Variants in DPP10 observed in about 807,000 individuals in gnomAD.
DPP10 encodes inactive dipeptidyl peptidase 10.
In DPP10, 33 loss-of-function variants were observed where a neutral mutation model predicts 120.9. The ratio of observed to expected loss-of-function variants is 0.27; its 90% CI spans 0.21 to 0.37. The LOEUF (loss-of-function observed/expected upper bound fraction) is 0.37. Among genes scored for constraint, DPP10 ranks in the 10% least tolerant of loss-of-function variants. The pLI, the probability that DPP10 is intolerant of heterozygous loss-of-function variation, is 1.00. For synonymous variants in DPP10, 337 were observed against 326.1 expected, an observed-to-expected ratio of 1.03 and a Z score of -0.36; for missense variants, 816 against 942.8, an observed-to-expected ratio of 0.87 and a Z score of 1.76.
chr2:114,829,416 T>C (rs1686871309), intron 1 of DPP10, among the ~76,000 whole-genome samples: 4 of 149,514 alleles, frequency 2.7e-5, no homozygotes. Context: ...AGAGTGTCGC[T>C]CTTGTCACCC....
chr2:115,334,230 G>GTTTTTTTTTGT (rs2062970201), intron 2 of DPP10, among the ~76,000 whole-genome samples: 1 of 56,412 alleles, frequency 1.8e-5, no homozygotes, highest in Non-Finnish European at 4.0e-5. Context: ...AGCAGACTCT[G>GTTTTTTTTTGT]TTTTTTTTTT....
At chr2:114,818,954 G>A (rs754040793) in intron 1 of DPP10, among the ~76,000 whole-genome samples, 1 of 152,118 alleles carries the variant, frequency 6.6e-6, no homozygotes, top group Non-Finnish European at 1.5e-5. Flanking sequence ...CAAATGATGA[G>A]TTTGAGTCTC....
chr2:114,615,286 G>T (rs1225849846), intron 1 of DPP10, among the ~76,000 whole-genome samples: 1 of 152,048 alleles, frequency 6.6e-6, no homozygotes, highest in Non-Finnish European at 1.5e-5. Context: ...AAATTATCAT[G>T]AATGCAATTT....
intron 1 of DPP10, among the ~76,000 whole-genome samples, chr2:114,963,812 A>G (rs897582603): frequency 6.6e-6 from 1 of 152,218 alleles, no homozygotes; most frequent in African/African-American, 2.4e-5. Flanking sequence ...GTGACCAAGA[A>G]AAGCCCAATA....
intron 1 of DPP10, among the ~76,000 whole-genome samples, chr2:115,176,056 G>A (rs1416712563): frequency 6.6e-6 from 1 of 152,000 alleles, no homozygotes; most frequent in Non-Finnish European, 1.5e-5. Context: ...TCAAAAGCAA[G>A]GATTCTCTAA....
intron 5 of DPP10, among the ~76,000 whole-genome samples, chr2:115,567,279 C>T (rs529993021): frequency 2.0e-5 from 3 of 152,010 alleles, no homozygotes; most frequent in African/African-American, 4.8e-5. Flanking sequence ...GAATTGTCAC[C>T]GCTTCTCACC....
At chr2:114,989,260 A>G (rs12386141) in intron 1 of DPP10, among the ~76,000 whole-genome samples, 5,477 of 152,264 alleles carry the variant, frequency 0.036, 359 homozygotes, top group African/African-American at 0.13. Context: ...TCAGGGGTCT[A>G]TGCAAGGTTC....
intron 7 of DPP10, among the ~76,000 whole-genome samples, chr2:115,703,295 G>C (rs2091965839): frequency 6.6e-6 from 1 of 151,868 alleles, no homozygotes; most frequent in Non-Finnish European, 1.5e-5. Flanking sequence ...AATGAAAGAT[G>C]GTCATAACTA....
intron 1 of DPP10, among the ~76,000 whole-genome samples, chr2:114,666,640 CAT>C (rs1157842419): frequency 6.6e-6 from 1 of 152,114 alleles, no homozygotes; most frequent in East Asian, 1.9e-4. Context: ...GACAGAGAGA[CAT>C]AGAACCAGAT....
intron 1 of DPP10, among the ~76,000 whole-genome samples, chr2:114,789,846 A>C (rs1249442120): frequency 6.6e-6 from 1 of 152,210 alleles, no homozygotes; most frequent in African/African-American, 2.4e-5. Flanking sequence ...GAGAAGAATA[A>C]ATTCCAGTGA....
At chr2:114,572,364 A>G (rs114967758) in intron 1 of DPP10, among the ~76,000 whole-genome samples, 3,124 of 152,316 alleles carry the variant, frequency 0.021, 45 homozygotes, top group Non-Finnish European at 0.032. Flanking sequence ...CCAAAATAAT[A>G]CAACTTGTTT....
Position 114,518,552 on chromosome 2 carries a change from G to C in DPP10, c.60+75714G>C, listed in dbSNP as rs1684793848. Among the ~76,000 whole-genome samples the C allele has an allele frequency of 2.6e-5, 4 of 152,256 alleles. No individual in the cohort carries two copies. The South Asian group carries it at 8.3e-4, about 32-fold the overall frequency. ...TTCAGGCAGCTGACTTAATAATTTA[G>C]ACTAAAATTCGTTCCAGGATGCTTG... On this transcript the variant is annotated intron_variant, in intron 1 of 25. Transcript: ENST00000410059.
chr2:115,604,079 GTTTTTTT>G (rs201075278), intron 5 of DPP10, among the ~76,000 whole-genome samples: 91,761 of 148,274 alleles, frequency 0.62, 29,331 homozygotes, highest in Middle Eastern at 0.75. Context: ...CCTTCTAGCT[GTTTTTTT>G]TTTTTTTTTT....
intron 3 of DPP10, among the ~76,000 whole-genome samples, chr2:115,465,633 G>A (rs1190684074): frequency 2.0e-5 from 3 of 152,102 alleles, no homozygotes; most frequent in South Asian, 4.1e-4. Flanking sequence ...GAACAGCCTG[G>A]CCAACATGGT....
chr2:115,777,424 C>A (rs2149848116), intron 14 of DPP10, 125 bp downstream of exon 14: 1 of 822,726 alleles, frequency 1.2e-6, no homozygotes, highest in South Asian at 1.8e-5. Context: ...AAAGAATAAC[C>A]TTTCTTTAAA....
intron 1 of DPP10, among the ~76,000 whole-genome samples, chr2:114,545,854 G>A (rs1296907559): frequency 5.9e-5 from 9 of 152,268 alleles, no homozygotes; most frequent in Non-Finnish European, 1.0e-4. Context: ...GCAACCCATG[G>A]AGCAAATGTT....
chr2:114,619,265 T>A (rs997929856), intron 1 of DPP10, among the ~76,000 whole-genome samples: 6 of 152,120 alleles, frequency 3.9e-5, no homozygotes, highest in Middle Eastern at 3.4e-3. Flanking sequence ...AGTGGCAGTT[T>A]AGAAACAGTT....
At chr2:114,662,225 G>T (rs1029701591) in intron 1 of DPP10, among the ~76,000 whole-genome samples, 1 of 151,382 alleles carries the variant, frequency 6.6e-6, no homozygotes. Context: ...AGTGTCCTGA[G>T]GGGGGAGACT....
At chr2:115,169,446 C>T (rs544605652) in intron 1 of DPP10, among the ~76,000 whole-genome samples, 33 of 151,830 alleles carry the variant, frequency 2.2e-4, no homozygotes, top group Admixed American at 1.6e-3. Flanking sequence ...TATACACACA[C>T]ATATATATAT....
Sources: gnomAD v4.1 joint callset for allele counts (sites outside exome capture counted in the v4.1 genomes callset) on GRCh38, gnomAD v4.1.1 for gene constraint, MANE v1.5 for transcripts, NCBI Gene and HGNC (gene_info 2026-07-23, HGNC 2026-07-21) for gene names.